Variants in CRACD observed in about 807,000 individuals in gnomAD.
The protein encoded by CRACD is capping protein inhibiting regulator of actin dynamics.
A neutral mutation model predicts 106.8 loss-of-function variants in CRACD; 56 were observed. The ratio of observed to expected loss-of-function variants is 0.52; its 90% CI spans 0.42 to 0.66. CRACD has a LOEUF of 0.66. Among genes scored for constraint, CRACD ranks in the 30% least tolerant of loss-of-function variants. The pLI is 0.00. For synonymous variants in CRACD, 754 were observed against 670.8 expected (o/e 1.12, Z -1.92); for missense variants, 1,730 against 1,623.2 (o/e 1.07, Z -1.13).
Position 56,316,003 on chromosome 4 carries a change from T to G in CRACD, c.2501T>G (p.Val834Gly), listed in dbSNP as rs1209253390. The G allele has an allele frequency of 6.2e-7, 1 of 1,614,122 alleles. No individual in the cohort carries two copies. The highest frequency in any genetic ancestry group is 1.3e-5 in the African/African-American group (1 of 75,006). Residue 834 changes from valine to glycine, a missense_variant, in exon 8 of 11, where the codon GTG becomes GGG. This residue lies in a region of CRACD where 1,620 missense variants were observed against 1,481.6 expected (regional missense o/e 1.09). Transcript: ENST00000682029. Reference sequence around the variant, plus strand: ...AACGGGATAGCAAAGCCAGACCCTGTGATGCCAGGTGGAGAGGAAAAAGCC... The same window carrying G: ...AACGGGATAGCAAAGCCAGACCCTGGGATGCCAGGTGGAGAGGAAAAAGCC... ...TANGIAKPDPVMPGGEEKASP... is the reference protein window; with the variant it reads ...TANGIAKPDPGMPGGEEKASP...
chr4:56,075,420 G>T (rs1732807155), intron 1 of CRACD, among the ~76,000 whole-genome samples: 1 of 152,134 alleles, frequency 6.6e-6, no homozygotes, highest in African/African-American at 2.4e-5. Context: ...TCTTGGGAGG[G>T]TGTATGTGTC....
intron 2 of CRACD, among the ~76,000 whole-genome samples, chr4:56,214,015 G>A (rs1738536033): frequency 6.6e-6 from 1 of 152,174 alleles, no homozygotes; most frequent in Non-Finnish European, 1.5e-5. Flanking sequence ...TAAGACTCAG[G>A]TAATTTTCTC....
intron 2 of CRACD, among the ~76,000 whole-genome samples, chr4:56,202,781 T>C (rs752102104): frequency 1.9e-4 from 29 of 152,326 alleles, no homozygotes; most frequent in Non-Finnish European, 3.5e-4. Context: ...AATAAAAGTA[T>C]TTTATGATCA....
At chr4:56,248,038 C>G (rs1194114325) in intron 2 of CRACD, among the ~76,000 whole-genome samples, 1 of 152,118 alleles carries the variant, frequency 6.6e-6, no homozygotes, top group East Asian at 1.9e-4. Context: ...CACAGCAGCA[C>G]CAGAATGTGG....
At chr4:56,148,866 A>T (rs1204707553) in intron 1 of CRACD, among the ~76,000 whole-genome samples, 2 of 149,364 alleles carry the variant, frequency 1.3e-5, no homozygotes, top group Admixed American at 6.7e-5. Flanking sequence ...CCCAGGCTGG[A>T]GTGCAGTGGC....
intron 1 of CRACD, among the ~76,000 whole-genome samples, chr4:56,114,284 G>A (rs974708103): frequency 2.0e-5 from 3 of 151,604 alleles, no homozygotes; most frequent in African/African-American, 7.3e-5. Context: ...CCTGCAAGGA[G>A]GAATGGCATC....
At chr4:56,137,810 AC>A (rs1735057165) in intron 1 of CRACD, among the ~76,000 whole-genome samples, 1 of 152,220 alleles carries the variant, frequency 6.6e-6, no homozygotes, top group South Asian at 2.1e-4. Context: ...CTATGGCAGC[AC>A]CACTGCACTG....
At chr4:56,137,853 TAAACAAACAAGC>T (rs1318643362) in intron 1 of CRACD, among the ~76,000 whole-genome samples, 1 of 152,216 alleles carries the variant, frequency 6.6e-6, no homozygotes, top group Non-Finnish European at 1.5e-5. Context: ...ACCCTGTCTC[TAAACAAACAAGC>T]AAACAAACAA....
At chr4:56,136,930 C>T (rs1257041192) in intron 1 of CRACD, among the ~76,000 whole-genome samples, 1 of 152,140 alleles carries the variant, frequency 6.6e-6, no homozygotes, top group Non-Finnish European at 1.5e-5. Context: ...CTTTTGTGCG[C>T]TGTGTGATGT....
intron 2 of CRACD, among the ~76,000 whole-genome samples, chr4:56,188,711 C>CACAGAGAGAGAGAGAGAGAGAG (rs1446016845): frequency 6.2e-5 from 7 of 113,104 alleles, no homozygotes; most frequent in African/African-American, 1.9e-4. Flanking sequence ...CACACACACA[C>CACAGAGAGAGAGAGAGAGAGAG]AGAGAGAGAG....
chr4:56,328,447 T>TG lies in CRACD; in HGVS notation c.*647dup, dbSNP rs892377271. 3 of 515,966 alleles carry TG rather than the reference T, an allele frequency of 5.8e-6. No homozygotes were observed. Among genetic ancestry groups the TG allele is most frequent in the African/African-American group, 5.8e-5 (3 of 51,876 alleles). The allele number at this position is 515,966 out of a possible 1,614,324, so 32.0% of individuals were successfully genotyped here. A position where few individuals can be genotyped will look rare whatever the true frequency, so the allele number is the denominator to read the frequency against. ...TTTACCGCACTGTGGATTCATAGTG[T>TG]GGGGCCCTGTTATTCCAATACCCTC... On this transcript the variant is annotated 3_prime_UTR_variant, in exon 11 of 11. Transcript: ENST00000682029.
intron 2 of CRACD, among the ~76,000 whole-genome samples, chr4:56,207,422 C>T (rs1738177193): frequency 6.6e-6 from 1 of 152,112 alleles, no homozygotes; most frequent in Admixed American, 6.5e-5. Context: ...GAGTGAAGGC[C>T]TCCTGGCAAT....
intron 1 of CRACD, among the ~76,000 whole-genome samples, chr4:56,089,351 G>T (rs1283832885): frequency 1.3e-5 from 2 of 152,062 alleles, no homozygotes; most frequent in African/African-American, 4.8e-5. Flanking sequence ...TTACTTGAGG[G>T]TTCACTTTGC....
At chr4:56,108,634 A>G (rs1174397565) in intron 1 of CRACD, among the ~76,000 whole-genome samples, 1 of 152,108 alleles carries the variant, frequency 6.6e-6, no homozygotes, top group Non-Finnish European at 1.5e-5. Context: ...GCTGATATTT[A>G]TTGCATACAA....
Position 56,116,793 on chromosome 4 carries a change from C to T in CRACD, c.-335-62491C>T, listed in dbSNP as rs563295590. On this transcript the variant is annotated intron_variant, in intron 1 of 10. Transcript: ENST00000682029. ...CACGATCTCGGCTCAGTGCAGCCTC[C>T]GCCTCCTGGGTTCAAGCGATTCTCC... Among the ~76,000 whole-genome samples the T allele has an allele frequency of 7.9e-5, 12 of 151,278 alleles. No homozygotes were observed. The South Asian group carries it at 1.1e-3, about 13-fold the overall frequency.
intron 4 of CRACD, among the ~76,000 whole-genome samples, chr4:56,298,704 G>A (rs538779638): frequency 1.3e-5 from 2 of 152,224 alleles, no homozygotes; most frequent in South Asian, 2.1e-4. Context: ...AGGCCGAGGC[G>A]GGTGGATCAC....
At chr4:56,260,871 G>C (rs987133151) in intron 2 of CRACD, among the ~76,000 whole-genome samples, 12 of 150,194 alleles carry the variant, frequency 8.0e-5, no homozygotes, top group African/African-American at 3.0e-4. Context: ...CTGTCTATCT[G>C]TCTGTCTGTG....
intron 1 of CRACD, among the ~76,000 whole-genome samples, chr4:56,116,811 G>T (rs1734303586): frequency 6.7e-6 from 1 of 149,074 alleles, no homozygotes; most frequent in Non-Finnish European, 1.5e-5. Context: ...GGGTTCAAGC[G>T]ATTCTCCTGC....
chr4:56,107,252 A>G (rs1733979772), intron 1 of CRACD, among the ~76,000 whole-genome samples: 1 of 152,054 alleles, frequency 6.6e-6, no homozygotes. Flanking sequence ...AAGATTTGGG[A>G]TTACAGGTGT....
Sources: allele counts gnomAD v4.1 joint callset (sites outside exome capture counted in the v4.1 genomes callset), GRCh38; gene constraint gnomAD v4.1.1; regional missense constraint gnomAD v4.1.1; transcripts MANE v1.5; gene names NCBI Gene and HGNC (gene_info 2026-07-23, HGNC 2026-07-21).